KNDC1: variants seen among roughly 807,000 people sequenced by gnomAD.
The protein encoded by KNDC1 is kinase non-catalytic C-lobe domain-containing protein 1.
In KNDC1, 106 loss-of-function variants were observed where a neutral mutation model predicts 172.8. That is an observed-to-expected ratio of 0.61 (90% CI 0.52 to 0.72). KNDC1 has a LOEUF of 0.72. KNDC1 is among the 30% of genes least tolerant of loss of function. The probability of loss-of-function intolerance (pLI) is 0.00; values close to 1 mark genes in which losing one functional copy is unlikely to be tolerated. For synonymous variants in KNDC1, 1,083 were observed against 1,062.2 expected (o/e 1.02, Z -0.38); for missense variants, 2,325 against 2,394.5 (o/e 0.97, Z 0.61).
At chr10:133,181,086 C>G (rs1050422414) in intron 3 of KNDC1, among the ~76,000 whole-genome samples, 1 of 152,116 alleles carries the variant, frequency 6.6e-6, no homozygotes, top group African/African-American at 2.4e-5. Flanking sequence ...ACATGGGGCA[C>G]CCACTGACGT....
At chr10:133,184,282 CGCT>C (rs1564882884) in intron 5 of KNDC1, among the ~76,000 whole-genome samples, 1 of 134,512 alleles carries the variant, frequency 7.4e-6, no homozygotes, top group African/African-American at 2.6e-5. Context: ...TGCACACACA[CGCT>C]GCACACACAC....
chr10:133,180,203 G>T (rs147877304), intron 3 of KNDC1, among the ~76,000 whole-genome samples: 1 of 152,210 alleles, frequency 6.6e-6, no homozygotes, highest in Non-Finnish European at 1.5e-5. Context: ...CCTGACCCCC[G>T]CGGGCAGCAC....
chr10:133,217,141 A>ATTCT (rs1845483219), intron 26 of KNDC1, among the ~76,000 whole-genome samples: 2 of 152,288 alleles, frequency 1.3e-5, no homozygotes, highest in Admixed American at 6.5e-5. Context: ...TGCACTCAGA[A>ATTCT]AAGGCTACAA....
chr10:133,186,646 G>T lies in KNDC1; in HGVS notation c.1298G>T (p.Arg433Met). The T allele has an allele frequency of 6.3e-7, 1 of 1,590,644 alleles. No homozygotes were observed. Among genetic ancestry groups the T allele is most frequent in the South Asian group, 1.1e-5 (1 of 89,932 alleles). ...RDDERIPEGA[R>M]QLESAAAEQW... ...GATGAGAGAATTCCAGAAGGAGCTA[G>T]GCAGCTGGAAAGTGCAGCCGCGGAG... The change falls in exon 6 of 30, where the codon AGG becomes ATG. Residue 433 changes from arginine (R) to methionine (M), a missense_variant. Coordinates refer to ENST00000304613, the MANE Select transcript of KNDC1 (RefSeq NM_152643.8).
Position 133,222,800 on chromosome 10 carries a change from AGTGT to A in KNDC1, c.5019-1847_5019-1844del, listed in dbSNP as rs1234872130. On this transcript the variant is annotated intron_variant, in intron 29 of 29. Coordinates refer to ENST00000304613, the MANE Select transcript of KNDC1 (RefSeq NM_152643.8). ...GAGCCCATCCAGGCATGCTCTTCCCAGTGTGTGTGTGTGTGAGAGCCCATCCAGG... is the reference window on the plus strand; with the variant it reads ...GAGCCCATCCAGGCATGCTCTTCCCAGTGTGTGTGTGAGAGCCCATCCAGG... 6.8e-4 allele frequency among the ~76,000 whole-genome samples: 2 copies of A among 2,924 alleles called. 1 individual carries two copies. The highest frequency in any genetic ancestry group is 1.7e-3 in the Non-Finnish European group (2 of 1,144). The allele number at this position is 2,924 out of a possible 152,430, so 1.9% of individuals were successfully genotyped here. A position where few individuals can be genotyped will look rare whatever the true frequency, so the allele number is the denominator to read the frequency against.
In KNDC1 at chr10:133,207,283, C is replaced by T. The variant is rs753806915; in HGVS notation, c.3726C>T (p.Gly1242=). ...LIFYNVNKHP[G]GRQKARILQA... ...TCTACAACGTCAACAAGCACCCGGG[C>T]GGCCGGCAGAAGGCCCGCATCCTGC... The change falls in exon 20 of 30, where the codon GGC becomes GGT. Residue 1242 remains glycine, a synonymous_variant. Transcript: ENST00000304613. 6.2e-6 allele frequency: 10 copies of T among 1,612,890 alleles called. No homozygotes were observed. The highest frequency in any genetic ancestry group is 2.7e-5 in the African/African-American group (2 of 74,930).
chr10:133,213,771 T>G (rs965324524), intron 25 of KNDC1, 44 bp downstream of exon 25: 1 of 1,570,812 alleles, frequency 6.4e-7, no homozygotes, highest in African/African-American at 1.4e-5. Context: ...GTGGAGGGTC[T>G]CGGGGGCTTC....
At position 133,169,965 on chromosome 10, in the gene KNDC1, G is replaced by A. The variant is rs114199493; in HGVS notation, c.360+1653G>A. Among the ~76,000 whole-genome samples, 1,385 of 152,334 alleles carry A rather than the reference G, an allele frequency of 9.1e-3. 24 individuals carry two copies. The highest frequency in any genetic ancestry group is 0.03 in the African/African-American group (1,261 of 41,572). On this transcript the variant is annotated intron_variant, in intron 3 of 29. Coordinates refer to ENST00000304613, the MANE Select transcript of KNDC1 (RefSeq NM_152643.8). ...CGCGTTGCACGTTCCTCCAAGTCCT[G>A]TTGTTTCCTCGGGGCCATTTTTAAC...
chr10:133,213,996 G>C lies in KNDC1; in HGVS notation c.4551G>C (p.Ser1517=). 6.2e-7 allele frequency: 1 copy of C among 1,614,140 alleles called. No homozygotes were observed. Among genetic ancestry groups the C allele is most frequent in the Non-Finnish European group, 8.5e-7 (1 of 1,179,996 alleles). Residue 1517 remains serine (S), a synonymous_variant, in exon 26 of 30, where the codon TCG becomes TCC. Transcript: ENST00000304613. ...GAGCCAGCTCTTCTGAGTCTCTTTC[G>C]GCCAAAACCTGCAGCTTATTTCTGC... ...IPKASSSESL[S]AKTCSLFLPN... is the part of the protein sequence containing the mutation.
chr10:133,195,896 G>T, intron 10 of KNDC1, 75 bp downstream of exon 10: 2 of 1,384,356 alleles, frequency 1.4e-6, no homozygotes, highest in Non-Finnish European at 1.9e-6. Context: ...CTGAGCTGGG[G>T]GTGGAGGAGC....
chr10:133,203,827 T>C (rs374746776), intron 17 of KNDC1, among the ~76,000 whole-genome samples: 19 of 152,336 alleles, frequency 1.2e-4, no homozygotes, highest in African/African-American at 4.1e-4. Flanking sequence ...GTCCTCCTCA[T>C]GGAGTCCGCC....
At chr10:133,221,421 C>T (rs904751707) in intron 29 of KNDC1, among the ~76,000 whole-genome samples, 1 of 152,194 alleles carries the variant, frequency 6.6e-6, no homozygotes, top group Non-Finnish European at 1.5e-5. Context: ...AGGGGCCAGC[C>T]TCTCCTTGGA....
At position 133,198,487 on chromosome 10, in the gene KNDC1, CAA is replaced by C; in HGVS notation, c.2058_2059del (p.Ser687CysfsTer25). On this transcript the variant is annotated frameshift_variant, in exon 13 of 30. Coordinates refer to ENST00000304613, the MANE Select transcript of KNDC1 (RefSeq NM_152643.8). LOFTEE classifies it high-confidence loss of function. The stretch of plus-strand genomic sequence containing the variant: ...AAGCCCATTGTCCTCGCGCAGAACG[CAA>C]GTGTGGCCAGGTGAGCATCGTCCCC... The C allele has an allele frequency of 1.9e-6, 3 of 1,604,730 alleles. No individual in the cohort carries two copies. The highest frequency in any genetic ancestry group is 2.6e-6 in the Non-Finnish European group (3 of 1,175,072).
intron 3 of KNDC1, among the ~76,000 whole-genome samples, chr10:133,171,191 G>A (rs1291101399): frequency 6.6e-6 from 1 of 152,184 alleles, no homozygotes; most frequent in African/African-American, 2.4e-5. Context: ...TTTGCTGTAG[G>A]TGTCTTAGAT....
intron 24 of KNDC1, 24 bp from the exon 25 acceptor site, chr10:133,213,621 C>A: frequency 6.2e-7 from 1 of 1,608,064 alleles, no homozygotes; most frequent in Non-Finnish European, 8.5e-7. Context: ...AAGCCTGAAC[C>A]TCTTGTTTCC....
chr10:133,220,013 C>T lies in KNDC1; in HGVS notation c.4919C>T (p.Pro1640Leu). Residue 1640 changes from proline (P) to leucine (L), a missense_variant, in exon 29 of 30, where the codon CCC (proline) becomes CTC (leucine). Physicochemically the swap from Pro to Leu is moderately conservative, Grantham distance 98 (BLOSUM62 -3). Coordinates refer to ENST00000304613, the MANE Select transcript of KNDC1 (RefSeq NM_152643.8). ...GAAGGGCGGCGCTTCCGGGCGCAGC[C>T]CACCCTGCCCTCGGCCCACCTCCTG... ...LMEGRRFRAQ[P>L]TLPSAHLLAM... 1.9e-6 allele frequency: 3 copies of T among 1,554,396 alleles called. No homozygotes were observed. The highest frequency in any genetic ancestry group is 1.7e-6 in the Non-Finnish European group (2 of 1,148,840).
At chr10:133,184,152 C>T (rs1853812551) in intron 5 of KNDC1, among the ~76,000 whole-genome samples, 163 bp downstream of exon 5, 2 of 144,974 alleles carry the variant, frequency 1.4e-5, no homozygotes, top group South Asian at 4.3e-4. Flanking sequence ...CACACCCATG[C>T]ACACACACTG....
At chr10:133,213,922 G>A in intron 25 of KNDC1, 50 bp from the exon 26 acceptor site, 7 of 1,609,442 alleles carry the variant, frequency 4.3e-6, no homozygotes, top group Non-Finnish European at 6.0e-6. Flanking sequence ...GGGCCGGGCA[G>A]GGCCACTGCA....
rs757674308 is a variant in KNDC1 at position 133,186,668 on chromosome 10, G to C, written c.1320G>C (p.Ala440=). The change falls in exon 6 of 30, where the codon GCG becomes GCC. Residue 440 remains alanine (A), a synonymous_variant. Transcript: ENST00000304613. ...EGARQLESAA[A]EQWVSLQDLL... ...CTAGGCAGCTGGAAAGTGCAGCCGC[G>C]GAGCAGGTGGGTGCCTGGGTCTTGT... 2.5e-6 allele frequency: 4 copies of C among 1,576,514 alleles called. No homozygotes were observed. The African/African-American group carries it at 4.1e-5, about 16-fold the overall frequency.
Sources: gnomAD v4.1 joint callset for allele counts (sites outside exome capture counted in the v4.1 genomes callset) on GRCh38, gnomAD v4.1.1 for gene constraint, MANE v1.5 for transcripts, NCBI Gene and HGNC (gene_info 2026-07-23, HGNC 2026-07-21) for gene names.